SMARCA4: variants seen among roughly 807,000 people sequenced by gnomAD.
SMARCA4 encodes the protein SWI/SNF-related matrix-associated actin-dependent regulator of chromatin subfamily A member 4.
In SMARCA4, 31 loss-of-function variants were observed where a neutral mutation model predicts 193.9. The observed-to-expected ratio is 0.16, with a 90% CI of 0.12 to 0.22. SMARCA4 has a LOEUF of 0.22. Ranked by LOEUF, SMARCA4 falls within the 10% of genes least tolerant of loss-of-function variation. The pLI, the probability that SMARCA4 is intolerant of heterozygous loss-of-function variation, is 1.00. For missense variants in SMARCA4, 1,148 were observed against 2,296.0 expected, an observed-to-expected ratio of 0.50 and a Z score of 10.22; for synonymous variants, 942 against 933.1, an observed-to-expected ratio of 1.01 and a Z score of -0.17.
chr19:10,978,257 T>C (rs1005898516), intron 1 of SMARCA4, among the ~76,000 whole-genome samples: 2 of 152,172 alleles, frequency 1.3e-5, no homozygotes, highest in African/African-American at 2.4e-5. Flanking sequence ...ATTTCTTAAA[T>C]AGGACCCCAG....
At chr19:10,973,425 C>T (rs535702293) in intron 1 of SMARCA4, among the ~76,000 whole-genome samples, 26 of 150,958 alleles carry the variant, frequency 1.7e-4, no homozygotes, top group African/African-American at 6.1e-4. Context: ...TTTTTTGAGA[C>T]GGAGTCTCGC....
chr19:11,051,660 T>C lies in SMARCA4; in HGVS notation c.4425-6595T>C, dbSNP rs894113744. 5.3e-5 allele frequency among the ~76,000 whole-genome samples: 8 copies of C among 152,122 alleles called. No individual in the cohort carries two copies. In the South Asian group the frequency reaches 1.5e-3, roughly 28 times the overall value. ...CATGCACCACCACGCCCAGCTAATT[T>C]TTGTATTTTTAGTAGAGATGGGGTT... On this transcript the variant is annotated intron_variant, in intron 30 of 34. Transcript: ENST00000344626.
At chr19:10,988,651 C>T (rs901842060) in intron 6 of SMARCA4, among the ~76,000 whole-genome samples, 7 of 152,160 alleles carry the variant, frequency 4.6e-5, no homozygotes, top group African/African-American at 1.7e-4. Context: ...GCTGGGGTTC[C>T]CTCCTCATGG....
At chr19:10,971,632 T>C (rs973863666) in intron 1 of SMARCA4, among the ~76,000 whole-genome samples, 1 of 152,058 alleles carries the variant, frequency 6.6e-6, no homozygotes, top group Non-Finnish European at 1.5e-5. Context: ...GCATGCCAGC[T>C]AATTTTTGTA....
At chr19:11,055,062 A>C (rs1361059258) in intron 30 of SMARCA4, among the ~76,000 whole-genome samples, 1 of 152,220 alleles carries the variant, frequency 6.6e-6, no homozygotes, top group Non-Finnish European at 1.5e-5. Flanking sequence ...GCCTGAGGAC[A>C]GGACCTCCAG....
At chr19:10,977,049 C>CTA (rs1309483469) in intron 1 of SMARCA4, among the ~76,000 whole-genome samples, 2 of 152,184 alleles carry the variant, frequency 1.3e-5, no homozygotes, top group South Asian at 2.1e-4. Flanking sequence ...GAGCGAGACT[C>CTA]TGTCTCCAAA....
intron 1 of SMARCA4, among the ~76,000 whole-genome samples, chr19:10,972,667 T>A (rs1338843022): frequency 2.6e-5 from 4 of 152,334 alleles, no homozygotes; most frequent in Admixed American, 2.6e-4. Context: ...CTGCCCACTC[T>A]TGGCCTTTGC....
intron 16 of SMARCA4, among the ~76,000 whole-genome samples, chr19:11,017,648 CA>C (rs2089486591): frequency 6.6e-6 from 1 of 152,254 alleles, no homozygotes; most frequent in Non-Finnish European, 1.5e-5. Context: ...TTCTCCCTCC[CA>C]GTGCAGATGC....
rs1427046248 is a variant in SMARCA4 at position 10,984,933 on chromosome 19, G to A, written c.223-340G>A. ...GAGGACATATTCCCTTATACATACA[G>A]CATCTGAAAGGAAAGGTCATATTAG... On this transcript the variant is annotated intron_variant, in intron 2 of 34. Coordinates refer to ENST00000344626, the MANE Select transcript of SMARCA4 (RefSeq NM_003072.5). The surrounding 1 kb of genome is among the most constrained non-coding windows in gnomAD (Gnocchi z 4.3). Among the ~76,000 whole-genome samples, 1 of 152,190 alleles carries A rather than the reference G, an allele frequency of 6.6e-6. No individual in the cohort carries two copies. Among genetic ancestry groups the A allele is most frequent in the East Asian group, 1.9e-4 (1 of 5,198 alleles).
intron 1 of SMARCA4, among the ~76,000 whole-genome samples, chr19:10,976,754 A>G (rs1415872371): frequency 2.1e-5 from 1 of 47,634 alleles, no homozygotes; most frequent in Non-Finnish European, 4.3e-5. Flanking sequence ...ACCCTGTCTC[A>G]AAAAAAAAAA....
At chr19:10,995,229 C>T in intron 9 of SMARCA4, 1 of 661,240 alleles carries the variant, frequency 1.5e-6, no homozygotes, top group Non-Finnish European at 2.8e-6. Context: ...TTAGCCGGCT[C>T]CTCTGCCTTC....
At chr19:10,976,095 A>T (rs942432228) in intron 1 of SMARCA4, among the ~76,000 whole-genome samples, 1 of 152,148 alleles carries the variant, frequency 6.6e-6, no homozygotes, top group Non-Finnish European at 1.5e-5. Context: ...CAGGACTCTA[A>T]GCGGCACCGT....
At chr19:10,971,430 A>G (rs1168204628) in intron 1 of SMARCA4, among the ~76,000 whole-genome samples, 4 of 151,284 alleles carry the variant, frequency 2.6e-5, no homozygotes, top group African/African-American at 9.7e-5. Context: ...TCATCTGTTA[A>G]CCCTGCGAAC....
intron 1 of SMARCA4, among the ~76,000 whole-genome samples, chr19:10,969,455 A>G (rs1479713423): frequency 6.7e-6 from 1 of 148,156 alleles, no homozygotes; most frequent in Non-Finnish European, 1.5e-5. Context: ...TTTGAGACAG[A>G]GTTTGTCTCT....
chr19:11,008,304 C>T (rs2088443214), intron 14 of SMARCA4: 5 of 398,770 alleles, frequency 1.3e-5, no homozygotes, highest in South Asian at 1.0e-4. Flanking sequence ...CGGCTCCCTC[C>T]CTTTCCACTA....
At chr19:10,991,535 G>A (rs779095908) in intron 8 of SMARCA4, among the ~76,000 whole-genome samples, 3 of 152,220 alleles carry the variant, frequency 2.0e-5, no homozygotes, top group Non-Finnish European at 2.9e-5. Context: ...CGCGTAGCAC[G>A]TCTGGAAGGT....
chr19:11,049,294 T>C (rs1177601172), intron 30 of SMARCA4, among the ~76,000 whole-genome samples: 1 of 152,196 alleles, frequency 6.6e-6, no homozygotes, highest in Non-Finnish European at 1.5e-5. Context: ...CGTTTCTCCT[T>C]GGTGGTTTGA....
intron 30 of SMARCA4, among the ~76,000 whole-genome samples, chr19:11,044,024 A>G (rs994780653): frequency 6.6e-6 from 1 of 152,200 alleles, no homozygotes; most frequent in African/African-American, 2.4e-5. Flanking sequence ...AAATCTAATG[A>G]CAATGACAGA....
At chr19:10,996,020 T>C in intron 9 of SMARCA4, 193 bp from the exon 10 acceptor site, 2 of 687,102 alleles carry the variant, frequency 2.9e-6, no homozygotes, top group Admixed American at 4.1e-5. Context: ...CGGGTGCCCT[T>C]GGAACCTAGC....
Sources: gnomAD v4.1 joint callset for allele counts (sites outside exome capture counted in the v4.1 genomes callset) on GRCh38, gnomAD v4.1.1 for gene constraint, Gnocchi (gnomAD v3.1) non-coding constraint, MANE v1.5 for transcripts, NCBI Gene and HGNC (gene_info 2026-07-23, HGNC 2026-07-21) for gene names.